TRPM3: variants seen among roughly 807,000 people sequenced by gnomAD.
TRPM3 encodes the protein long transient receptor potential channel 3.
A neutral mutation model predicts 181.2 loss-of-function variants in TRPM3; 77 were observed. That is an observed-to-expected ratio of 0.42 (90% CI 0.35 to 0.51). TRPM3 has a LOEUF of 0.51. Ranked by LOEUF, TRPM3 falls within the 20% of genes least tolerant of loss-of-function variation. The probability of loss-of-function intolerance (pLI) is 0.01; values close to 1 mark genes in which losing one functional copy is unlikely to be tolerated. For missense variants in TRPM3, 1,759 were observed against 2,196.7 expected (o/e 0.80, Z 3.98); for synonymous variants, 745 against 796.4 (o/e 0.94, Z 1.09).
chr9:71,132,099 C>T (rs1235731448), intron 1 of TRPM3, among the ~76,000 whole-genome samples: 1 of 152,104 alleles, frequency 6.6e-6, no homozygotes, highest in Non-Finnish European at 1.5e-5. Context: ...AAATAGAAAC[C>T]GATGTTGATG....
intron 1 of TRPM3, among the ~76,000 whole-genome samples, chr9:71,425,153 A>C (rs1359156092): frequency 6.6e-6 from 1 of 152,076 alleles, no homozygotes; most frequent in Non-Finnish European, 1.5e-5. Context: ...AAATAAATCC[A>C]CAAGGCTCTT....
At chr9:71,306,195 T>C (rs933981030) in intron 1 of TRPM3, among the ~76,000 whole-genome samples, 2 of 152,160 alleles carry the variant, frequency 1.3e-5, no homozygotes, top group Non-Finnish European at 2.9e-5. Flanking sequence ...GTTTAGAAGA[T>C]GAAAAAAGAA....
chr9:70,564,781 G>A (rs1270636311), intron 22 of TRPM3, among the ~76,000 whole-genome samples: 1 of 152,140 alleles, frequency 6.6e-6, no homozygotes, highest in African/African-American at 2.4e-5. Flanking sequence ...TTGTGCCTGA[G>A]GGGTTATATG....
upstream of TRPM3, among the ~76,000 whole-genome samples, chr9:71,126,257 A>G (rs2074025086): frequency 6.6e-6 from 1 of 152,220 alleles, no homozygotes; most frequent in Admixed American, 6.6e-5. Flanking sequence ...GTGGAGAAAC[A>G]GGAACGCTTT....
At chr9:70,898,734 T>G in intron 1 of TRPM3, among the ~76,000 whole-genome samples, 3 of 108,744 alleles carry the variant, frequency 2.8e-5, no homozygotes, top group Admixed American at 1.3e-4. Flanking sequence ...GGCAAAAGAG[T>G]GAGACTTCAT....
chr9:70,923,031 C>A (rs1269756879), intron 1 of TRPM3, among the ~76,000 whole-genome samples: 1 of 152,038 alleles, frequency 6.6e-6, no homozygotes, highest in East Asian at 1.9e-4. Flanking sequence ...ATTGATCTTT[C>A]CGACTTTGGT....
intron 1 of TRPM3, among the ~76,000 whole-genome samples, chr9:70,945,624 C>A (rs1476604142): frequency 6.6e-6 from 1 of 152,148 alleles, no homozygotes; most frequent in Non-Finnish European, 1.5e-5. Flanking sequence ...AAATTTCCAA[C>A]ATGAGATTCC....
At chr9:71,417,891 C>T (rs190351213) in intron 1 of TRPM3, among the ~76,000 whole-genome samples, 9 of 151,960 alleles carry the variant, frequency 5.9e-5, no homozygotes, top group Non-Finnish European at 1.0e-4. Flanking sequence ...TCTTATTTGT[C>T]ATGTTCTGTC....
intron 3 of TRPM3, among the ~76,000 whole-genome samples, chr9:70,862,381 G>A (rs2095544458): frequency 6.6e-6 from 1 of 152,086 alleles, no homozygotes; most frequent in African/African-American, 2.4e-5. Context: ...GAACATTATT[G>A]AGCACAGATG....
chr9:71,083,850 G>A (rs2064824386), intron 1 of TRPM3, among the ~76,000 whole-genome samples: 1 of 151,384 alleles, frequency 6.6e-6, no homozygotes, highest in Admixed American at 6.6e-5. Flanking sequence ...TATGCAGTGT[G>A]TATATATATC....
chr9:70,609,033 T>C (rs892123804), intron 19 of TRPM3, among the ~76,000 whole-genome samples: 2 of 152,174 alleles, frequency 1.3e-5, no homozygotes, highest in South Asian at 2.1e-4. Context: ...GAAGAAACAA[T>C]AGTCACAGTT....
chr9:71,436,283 C>CTTTTTT (rs371953373), intron 1 of TRPM3, among the ~76,000 whole-genome samples: 2 of 136,418 alleles, frequency 1.5e-5, no homozygotes, highest in African/African-American at 5.5e-5. Context: ...TTAAACCTCT[C>CTTTTTT]TTTTTTTTTT....
At chr9:71,372,342 A>G (rs192826158) in intron 1 of TRPM3, among the ~76,000 whole-genome samples, 12 of 152,292 alleles carry the variant, frequency 7.9e-5, no homozygotes, top group Non-Finnish European at 1.6e-4. Flanking sequence ...CTTTGGGTAT[A>G]TACCCAGTAA....
chr9:70,570,341 C>T (rs2051929152), intron 22 of TRPM3, among the ~76,000 whole-genome samples: 2 of 97,930 alleles, frequency 2.0e-5, no homozygotes. Flanking sequence ...CGGATTCTCG[C>T]TTTGTCTCCC....
chr9:71,197,435 G>A (rs1355439401), intron 1 of TRPM3, among the ~76,000 whole-genome samples: 5 of 152,058 alleles, frequency 3.3e-5, no homozygotes, highest in African/African-American at 7.2e-5. Flanking sequence ...AGATCCCTGA[G>A]GAATCGCCAC....
At chr9:71,384,418 CAA>C (rs1209273409) in intron 1 of TRPM3, among the ~76,000 whole-genome samples, 5 of 152,168 alleles carry the variant, frequency 3.3e-5, no homozygotes, top group Non-Finnish European at 7.4e-5. Flanking sequence ...ATTAATTTGG[CAA>C]AGACTTTTCT....
intron 5 of TRPM3, among the ~76,000 whole-genome samples, chr9:70,831,795 A>C (rs1458901281): frequency 6.6e-6 from 1 of 151,612 alleles, no homozygotes; most frequent in Non-Finnish European, 1.5e-5. Flanking sequence ...CAATAGGATG[A>C]CTATAGTCAA....
At chr9:70,562,270 C>T (rs779302015) in intron 22 of TRPM3, among the ~76,000 whole-genome samples, 3 of 152,162 alleles carry the variant, frequency 2.0e-5, no homozygotes, top group Non-Finnish European at 4.4e-5. Flanking sequence ...TGTCACTCCA[C>T]GATTCCAGGA....
chr9:71,311,126 A>T (rs1251792104), intron 1 of TRPM3, among the ~76,000 whole-genome samples: 1 of 152,122 alleles, frequency 6.6e-6, no homozygotes, highest in Non-Finnish European at 1.5e-5. Context: ...ATAAAAAAGA[A>T]AATATAGTAT....
Sources: allele counts gnomAD v4.1 joint callset (sites outside exome capture counted in the v4.1 genomes callset), GRCh38; gene constraint gnomAD v4.1.1; transcripts MANE v1.5; gene names NCBI Gene and HGNC (gene_info 2026-07-23, HGNC 2026-07-21).